Variants in SHANK2 observed in about 807,000 individuals in gnomAD.
The protein encoded by SHANK2 is SH3 and multiple ankyrin repeat domains 2.
A neutral mutation model predicts 133.7 loss-of-function variants in SHANK2; 43 were observed. That is an observed-to-expected ratio of 0.32 (90% CI 0.25 to 0.41). SHANK2 has a LOEUF of 0.41. Among genes scored for constraint, SHANK2 ranks in the 10% least tolerant of loss-of-function variants. The pLI, the probability that SHANK2 is intolerant of heterozygous loss-of-function variation, is 1.00. For synonymous variants in SHANK2, 1,017 were observed against 952.8 expected (o/e 1.07, Z -1.24); for missense variants, 1,994 against 2,235.8 (o/e 0.89, Z 2.18).
intron 8 of SHANK2, among the ~76,000 whole-genome samples, chr11:71,079,277 C>T (rs997628833): frequency 6.6e-6 from 1 of 152,200 alleles, no homozygotes. Flanking sequence ...AAGGGAAGCC[C>T]GAGGGAGTCT....
At chr11:70,643,905 G>T (rs984650833) in intron 17 of SHANK2, among the ~76,000 whole-genome samples, 3 of 150,942 alleles carry the variant, frequency 2.0e-5, no homozygotes, top group Non-Finnish European at 2.9e-5. Flanking sequence ...CCGACTAAGG[G>T]ACTGCAGGTG....
In SHANK2 at chr11:70,820,485, C is replaced by T. The variant is rs782433729; in HGVS notation, c.1372G>A (p.Glu458Lys). ...CTCCCAATGGTCTTCGCGGCCCCCTCGGGCTTGCTGGGCATCTGCTGCAGC... is the reference window on the plus strand; with the variant it reads ...CTCCCAATGGTCTTCGCGGCCCCCTTGGGCTTGCTGGGCATCTGCTGCAGC... ...QLLQQMPSKP[E>K]GAAKTIGSYV... Residue 458 changes from glutamate (E) to lysine (K), a missense_variant, in exon 12 of 26, where the codon GAG becomes AAG. Around this residue, in one of 5 missense-constraint regions of SHANK2, gnomAD observed 653 missense variants for 563.4 expected, o/e 1.16. Transcript: ENST00000601538. 11 of 716,792 alleles carry T rather than the reference C, an allele frequency of 1.5e-5. No homozygotes were observed. Among genetic ancestry groups the T allele is most frequent in the South Asian group, 8.9e-5 (6 of 67,570 alleles). 44.4% of individuals were successfully genotyped at this position (716,792 alleles called of 1,614,324 possible).
intron 8 of SHANK2, among the ~76,000 whole-genome samples, chr11:71,086,523 A>AATATAAATAT (rs1300235863): frequency 7.1e-6 from 1 of 140,980 alleles, no homozygotes; most frequent in Non-Finnish European, 1.5e-5. Flanking sequence ...TATAATATAT[A>AATATAAATAT]ATATAAATAT....
chr11:71,137,478 C>G (rs540285271), intron 3 of SHANK2, among the ~76,000 whole-genome samples: 4 of 151,986 alleles, frequency 2.6e-5, no homozygotes, highest in Admixed American at 6.6e-5. Context: ...CCAGCCCCCC[C>G]AAAGGAGGCT....
chr11:70,658,933 G>A (rs1591716000), intron 17 of SHANK2, among the ~76,000 whole-genome samples: 1 of 152,102 alleles, frequency 6.6e-6, no homozygotes, highest in African/African-American at 2.4e-5. Context: ...AAGAGCGCGT[G>A]CATCCAAGAA....
At chr11:70,872,442 C>A (rs888259347) in intron 11 of SHANK2, 1 of 152,706 alleles carries the variant, frequency 6.5e-6, no homozygotes, top group Non-Finnish European at 1.5e-5. Context: ...AAGTAGGATG[C>A]AGGCTTGGAG....
intron 10 of SHANK2, among the ~76,000 whole-genome samples, chr11:70,925,953 C>A (rs1217324141): frequency 1.4e-4 from 22 of 152,120 alleles, no homozygotes; most frequent in African/African-American, 5.3e-4. Context: ...ATTAAGGACA[C>A]CTTATTTATA....
chr11:70,737,535 A>T (rs1284265414), intron 14 of SHANK2, among the ~76,000 whole-genome samples: 3 of 152,150 alleles, frequency 2.0e-5, no homozygotes, highest in Non-Finnish European at 2.9e-5. Flanking sequence ...CGCTCCAGAC[A>T]TCCCTGGCCA....
At chr11:70,772,503 C>T (rs1947274197) in intron 14 of SHANK2, among the ~76,000 whole-genome samples, 2 of 151,934 alleles carry the variant, frequency 1.3e-5, no homozygotes, top group African/African-American at 4.8e-5. Context: ...GCCATCCTCA[C>T]ATATGCCTGA....
chr11:71,099,386 C>T (rs1356643011), intron 6 of SHANK2, among the ~76,000 whole-genome samples: 3 of 152,188 alleles, frequency 2.0e-5, no homozygotes, highest in African/African-American at 7.2e-5. Flanking sequence ...GAGTAAGATG[C>T]TGATAAGGGG....
chr11:70,905,852 C>T (rs1590817893), intron 10 of SHANK2, among the ~76,000 whole-genome samples: 1 of 149,934 alleles, frequency 6.7e-6, no homozygotes, highest in African/African-American at 2.5e-5. Context: ...GCTCTTGTCG[C>T]CCAGGCTTGA....
At chr11:70,805,372 G>A (rs1178061253) in intron 13 of SHANK2, among the ~76,000 whole-genome samples, 6 of 152,230 alleles carry the variant, frequency 3.9e-5, no homozygotes, top group Non-Finnish European at 8.8e-5. Context: ...GGCCCTGAGT[G>A]TGCAGACCGG....
Position 70,672,255 on chromosome 11 carries a change from G to C in SHANK2, c.1854-10577C>G, listed in dbSNP as rs190943135. 7.3e-4 allele frequency among the ~76,000 whole-genome samples: 111 copies of C among 152,018 alleles called. No homozygotes were observed. In the East Asian group the frequency reaches 0.018, roughly 24 times the overall value. ...ATTTTTATATTTTTAGTAGAGACAGGGTTTCACCATGTTGGCCAGGATGGT... is the reference window on the plus strand; with the variant it reads ...ATTTTTATATTTTTAGTAGAGACAGCGTTTCACCATGTTGGCCAGGATGGT... On this transcript the variant is annotated intron_variant, in intron 15 of 25. Transcript: ENST00000601538.
At chr11:70,931,546 T>C (rs985091804) in intron 10 of SHANK2, among the ~76,000 whole-genome samples, 1 of 152,210 alleles carries the variant, frequency 6.6e-6, no homozygotes, top group African/African-American at 2.4e-5. Flanking sequence ...CCGAAGAGGC[T>C]ATAGAATCAC....
rs187246139 is a variant in SHANK2, at chr11:70,623,993, C to T, written c.2061+35835G>A. ...GGGTCACAACTCAGGGCTAAGGGTG[C>T]GCCCAGAGCTGCCACCAAGAACTGG... is the stretch of plus-strand genomic sequence containing the variant. On this transcript the variant is annotated intron_variant, in intron 17 of 25. Transcript: ENST00000601538. Among the ~76,000 whole-genome samples, 13 of 152,242 alleles carry T rather than the reference C, an allele frequency of 8.5e-5. 1 individual carries two copies. Among genetic ancestry groups the T allele is most frequent in the Admixed American group, 4.6e-4 (7 of 15,298 alleles).
intron 11 of SHANK2, among the ~76,000 whole-genome samples, chr11:70,823,067 C>G (rs1352413275): frequency 2.7e-5 from 2 of 74,256 alleles, no homozygotes; most frequent in Non-Finnish European, 5.2e-5. Flanking sequence ...AGAGGTGGCG[C>G]TGGCAGAGCT....
At position 70,485,270 on chromosome 11, in the gene SHANK2, AGTGCACGCAGAGCGGTGTGCAT is replaced by A. The variant is rs1349352665; in HGVS notation, c.4979+22_4979+43del. ...AGGGCCTTTCCTGGTCAGCAGGGACAGTGCACGCAGAGCGGTGTGCATGTGCACCAACCGCGGACTTACCTTG... is the reference window on the plus strand; with the variant it reads ...AGGGCCTTTCCTGGTCAGCAGGGACAGTGCACCAACCGCGGACTTACCTTG... On this transcript the variant is annotated intron_variant, in intron 25 of 25. Transcript: ENST00000601538. This position sits in a 1 kb window ranked among gnomAD's most constrained non-coding sequence, Gnocchi z 5.8. 1 of 1,526,632 alleles carries A rather than the reference AGTGCACGCAGAGCGGTGTGCAT, an allele frequency of 6.6e-7. No homozygotes were observed. Among genetic ancestry groups the A allele is most frequent in the East Asian group, 2.2e-5 (1 of 44,486 alleles). The allele number at this position is 1,526,632 out of a possible 1,614,324, so 94.6% of individuals were successfully genotyped here.
intron 24 of SHANK2, among the ~76,000 whole-genome samples, chr11:70,488,579 C>T (rs1555154966): frequency 6.6e-6 from 1 of 152,220 alleles, no homozygotes; most frequent in Non-Finnish European, 1.5e-5. Flanking sequence ...GAGCCTGCCC[C>T]TGAGGGGAGG....
intron 2 of SHANK2, among the ~76,000 whole-genome samples, chr11:71,185,553 G>T (rs1473775923): frequency 6.6e-6 from 1 of 152,172 alleles, no homozygotes; most frequent in African/African-American, 2.4e-5. Flanking sequence ...AGCCCAGGCT[G>T]GTCTGGTTGG....
Sources: allele counts gnomAD v4.1 joint callset (sites outside exome capture counted in the v4.1 genomes callset), GRCh38; gene constraint gnomAD v4.1.1; regional missense constraint gnomAD v4.1.1; non-coding constraint Gnocchi (gnomAD v3.1); transcripts MANE v1.5; gene names NCBI Gene and HGNC (gene_info 2026-07-23, HGNC 2026-07-21).